The following MICOS13 variants were observed in gnomAD, a reference collection of about 807,000 sequenced individuals.
MICOS13 encodes MICOS complex subunit MIC13.
A neutral mutation model predicts 16.1 loss-of-function variants in MICOS13; 15 were observed. The observed-to-expected ratio is 0.93, with a 90% CI of 0.62 to 1.44. The LOEUF is 1.44. Among genes scored for constraint, MICOS13 ranks in the 40% most tolerant of loss-of-function variants. The pLI is 0.00. For missense variants in MICOS13, 164 were observed against 155.0 expected (o/e 1.06, Z -0.31); for synonymous variants, 61 against 62.6 (o/e 0.97, Z 0.12).
chr19:5,680,308 T>C (rs2054510876), intron 1 of MICOS13, 150 bp downstream of exon 1: 3 of 1,609,860 alleles, frequency 1.9e-6, no homozygotes, highest in Non-Finnish European at 2.5e-6. Context: ...CTCTGAAGCC[T>C]CAGTTTCCCT....
chr19:5,678,891 C>A, intron 3 of MICOS13: 1 of 462,318 alleles, frequency 2.2e-6, no homozygotes, highest in Non-Finnish European at 3.8e-6. Flanking sequence ...ACAAGTGCGC[C>A]ACCATACCAG....
rs761825114 is a variant in MICOS13, at chr19:5,679,648, G to C, written c.145C>G (p.Pro49Ala). ...TGGCTGAACTGGTACATGGCGGGGG[G>C]GACCACCTCCCCAGCCTTCTGTAGG... is the stretch of plus-strand genomic sequence containing the variant. ...AALQKAGEVV[P>A]PAMYQFSQYV... Residue 49 changes from proline (P) to alanine (A), a missense_variant, in exon 2 of 4, where the codon CCC (proline) becomes GCC (alanine). By Grantham distance (27) the Pro-to-Ala change is conservative (BLOSUM62 -1). Coordinates refer to ENST00000309324, the MANE Select transcript of MICOS13 (RefSeq NM_205767.3). 3.1e-6 allele frequency: 5 copies of C among 1,611,016 alleles called. No homozygotes were observed. The highest frequency in any genetic ancestry group is 1.1e-5 in the South Asian group (1 of 90,938).
rs1347253629 is a variant in MICOS13, at chr19:5,678,641, C to G, written c.267G>C (p.Met89Ile). The G allele has an allele frequency of 6.5e-7, 1 of 1,530,816 alleles. No individual in the cohort carries two copies. Among genetic ancestry groups the G allele is most frequent in the Admixed American group, 2.1e-5 (1 of 48,502 alleles). The allele number at this position is 1,530,816 out of a possible 1,614,324, so 94.8% of individuals were successfully genotyped here. A position where few individuals can be genotyped will look rare whatever the true frequency, so the allele number is the denominator to read the frequency against. ...CCACCGACAGAGCTGACATCACCGT[C>G]ATGATGCCTGTGGGAAAGGGACGGC... ...PIRDSWNAGI[M>I]TVMSALSVAP... is the part of the protein sequence containing the mutation. Residue 89 changes from methionine to isoleucine, a missense_variant, in exon 4 of 4, where the codon ATG (methionine) becomes ATC (isoleucine). Coordinates refer to ENST00000309324, the MANE Select transcript of MICOS13 (RefSeq NM_205767.3).
chr19:5,679,269 A>G, intron 3 of MICOS13, 76 bp downstream of exon 3: 1 of 1,449,566 alleles, frequency 6.9e-7, no homozygotes, highest in East Asian at 2.3e-5. Flanking sequence ...GGATGGACAG[A>G]AAGGAATGGC....
chr19:5,678,473 TG>T lies in MICOS13; in HGVS notation c.*77del. 7.4e-7 allele frequency: 1 copy of T among 1,347,334 alleles called. No homozygotes were observed. Among genetic ancestry groups the T allele is most frequent in the Non-Finnish European group, 1.0e-6 (1 of 974,788 alleles). 83.5% of individuals were successfully genotyped at this position (1,347,334 alleles called of 1,614,324 possible). On this transcript the variant is annotated 3_prime_UTR_variant, in exon 4 of 4. Coordinates refer to ENST00000309324, the MANE Select transcript of MICOS13 (RefSeq NM_205767.3). ...GCAAGGCCGGGAGCTGCCCTCGGAGTGGGGTCCCAGTCCGGAGTCTTCAGGT... is the reference window on the plus strand; with the variant it reads ...GCAAGGCCGGGAGCTGCCCTCGGAGTGGGTCCCAGTCCGGAGTCTTCAGGT...
At position 5,678,538 on chromosome 19, in the gene MICOS13, C is replaced by T. The variant is rs143942773; in HGVS notation, c.*13G>A. ...GCCCGTTCTGGCCGGGGCAGGCGGC[C>T]CCTGCTGACTCGCTACTTGGTGCGC... On this transcript the variant is annotated 3_prime_UTR_variant, in exon 4 of 4. Coordinates refer to ENST00000309324, the MANE Select transcript of MICOS13 (RefSeq NM_205767.3). 1,676 of 1,547,380 alleles carry T rather than the reference C, an allele frequency of 1.1e-3. 16 individuals carry two copies. The African/African-American group carries it at 0.02, about 18-fold the overall frequency.
At position 5,680,042 on chromosome 19, in the gene MICOS13, G is replaced by A. The variant is rs1242312856; in HGVS notation, c.30-279C>T. ...CACAGTGAGCAGGGGCAGTGAAGAC[G>A]TAAGATCTTGACCTTCTAGAAGCCT... On this transcript the variant is annotated intron_variant, in intron 1 of 3. Coordinates refer to ENST00000309324, the MANE Select transcript of MICOS13 (RefSeq NM_205767.3). 6 of 1,517,884 alleles carry A rather than the reference G, an allele frequency of 4.0e-6. No individual in the cohort carries two copies. In the Admixed American group the frequency reaches 6.7e-5, roughly 17 times the overall value. The allele number at this position is 1,517,884 out of a possible 1,614,324, so 94.0% of individuals were successfully genotyped here.
chr19:5,680,286 G>A (rs2145525165), intron 1 of MICOS13, 172 bp downstream of exon 1: 1 of 1,605,174 alleles, frequency 6.2e-7, no homozygotes, highest in East Asian at 2.2e-5. Flanking sequence ...GCGACCTCGG[G>A]AAGCCCCGCC....
intron 1 of MICOS13, 59 bp downstream of exon 1, chr19:5,680,399 G>C: frequency 6.2e-7 from 1 of 1,609,966 alleles, no homozygotes; most frequent in Non-Finnish European, 8.5e-7. Context: ...TGGAGACAGG[G>C]ATGCCCACAA....
At chr19:5,680,148 A>T (rs902983637) in intron 1 of MICOS13, 8 of 1,535,314 alleles carry the variant, frequency 5.2e-6, no homozygotes, top group South Asian at 1.2e-5. Flanking sequence ...TTCACTTCTC[A>T]TCCACGCCAG....
intron 1 of MICOS13, 177 bp downstream of exon 1, chr19:5,680,281 C>T (rs757569113): frequency 4.1e-5 from 66 of 1,601,570 alleles, no homozygotes; most frequent in South Asian, 1.8e-4. Context: ...GATTGGCGAC[C>T]TCGGGAAGCC....
At chr19:5,678,796 C>CT (rs2054478082) in intron 3 of MICOS13, 148 bp from the exon 4 acceptor site, 1 of 615,542 alleles carries the variant, frequency 1.6e-6, no homozygotes, top group African/African-American at 1.9e-5. Flanking sequence ...GGCTGGAGTG[C>CT]AGTAGTGCAA....
Position 5,680,494 on chromosome 19 carries a change from C to G in MICOS13, c.-8G>C. ...CCACACCCGGGCCACCATGGTCGCT[C>G]GGATCCACGCGCAAGGACACTCGGC... On this transcript the variant is annotated 5_prime_UTR_variant, in exon 1 of 4. Transcript: ENST00000309324. 2 of 1,604,854 alleles carry G rather than the reference C, an allele frequency of 1.2e-6. No individual in the cohort carries two copies. The highest frequency in any genetic ancestry group is 1.1e-5 in the South Asian group (1 of 90,606).
At chr19:5,679,242 G>A (rs543355874) in intron 3 of MICOS13, 103 bp downstream of exon 3, 3 of 1,241,802 alleles carry the variant, frequency 2.4e-6, no homozygotes, top group Admixed American at 2.4e-5. Flanking sequence ...TAAGAGACAC[G>A]TGTCGGGCAG....
chr19:5,679,896 C>T (rs1325252258), intron 1 of MICOS13, 133 bp from the exon 2 acceptor site: 9 of 1,358,676 alleles, frequency 6.6e-6, no homozygotes, highest in Non-Finnish European at 2.0e-6. Flanking sequence ...AGTGCAGCAC[C>T]GTCGACCCAG....
chr19:5,679,595 C>A lies in MICOS13; in HGVS notation c.198G>T (p.Gln66His). The A allele has an allele frequency of 6.2e-7, 1 of 1,610,972 alleles. No individual in the cohort carries two copies. Among genetic ancestry groups the A allele is most frequent in the Non-Finnish European group, 8.5e-7 (1 of 1,179,128 alleles). Reference sequence around the variant, plus strand: ...TCCCGGCCCGTAGTACCTGGGGTATCTGCAGGCCTGTCTGCTGACACACGT... The same window carrying A: ...TCCCGGCCCGTAGTACCTGGGGTATATGCAGGCCTGTCTGCTGACACACGT... ...SQYVCQQTGL[Q>H]IPQLPAPPKI... The change falls in exon 2 of 4, where the codon CAG becomes CAT. Residue 66 changes from glutamine (Q) to histidine (H), a missense_variant. Coordinates refer to ENST00000309324, the MANE Select transcript of MICOS13 (RefSeq NM_205767.3).
intron 1 of MICOS13, 101 bp downstream of exon 1, chr19:5,680,357 T>G: frequency 6.2e-7 from 1 of 1,604,284 alleles, no homozygotes; most frequent in Non-Finnish European, 8.5e-7. Flanking sequence ...GAAGTGACTC[T>G]AAGGGAAGCG....
At chr19:5,679,435 G>GCTCA in intron 2 of MICOS13, 39 bp from the exon 3 acceptor site, 9 of 1,606,662 alleles carry the variant, frequency 5.6e-6, no homozygotes, top group Non-Finnish European at 7.7e-6. Context: ...TGGTGAAAAG[G>GCTCA]CTCAGCAGCC....
At chr19:5,680,066 C>T (rs1438960453) in intron 1 of MICOS13, 5 of 1,529,640 alleles carry the variant, frequency 3.3e-6, no homozygotes, top group Non-Finnish European at 4.4e-6. Flanking sequence ...TTCTAGAAGC[C>T]TTCCAGCCCT....
Sources: allele counts gnomAD v4.1 joint callset, GRCh38; gene constraint gnomAD v4.1.1; transcripts MANE v1.5; gene names NCBI Gene and HGNC (gene_info 2026-07-23, HGNC 2026-07-21).